TMPRSS11E: variants seen among roughly 807,000 people sequenced by gnomAD.
TMPRSS11E encodes transmembrane protease serine 11E.
TMPRSS11E carries 38 observed loss-of-function variants against 48.1 expected under a neutral mutation model. The ratio of observed to expected loss-of-function variants is 0.79; its 90% CI spans 0.61 to 1.04. The LOEUF (loss-of-function observed/expected upper bound fraction) is 1.04, where lower values mean the gene tolerates loss of function less well. Ranked by LOEUF, TMPRSS11E falls within the 50% of genes least tolerant of loss-of-function variation. TMPRSS11E has a pLI of 0.00. For missense variants in TMPRSS11E, 530 were observed against 510.8 expected (o/e 1.04, Z -0.36); for synonymous variants, 158 against 171.9 (o/e 0.92, Z 0.63).
intron 3 of TMPRSS11E, 82 bp from the exon 4 acceptor site, chr4:68,468,797 A>C: frequency 9.1e-7 from 1 of 1,093,404 alleles, no homozygotes; most frequent in Non-Finnish European, 1.4e-6. Flanking sequence ...TTGTTTTTTA[A>C]TTTTCTAAAA....
At chr4:68,493,028 C>A (rs1729773012) in intron 9 of TMPRSS11E, among the ~76,000 whole-genome samples, 1 of 152,118 alleles carries the variant, frequency 6.6e-6, no homozygotes, top group Non-Finnish European at 1.5e-5. Flanking sequence ...ATTCAACTAT[C>A]TCGGTTTCTA....
intron 9 of TMPRSS11E, among the ~76,000 whole-genome samples, chr4:68,492,337 A>G (rs1385388784): frequency 6.6e-6 from 1 of 152,216 alleles, no homozygotes; most frequent in Non-Finnish European, 1.5e-5. Context: ...ACAAGCATGC[A>G]CAGAGTGGCA....
chr4:68,459,570 T>C (rs1456071534), intron 1 of TMPRSS11E, among the ~76,000 whole-genome samples: 4 of 152,196 alleles, frequency 2.6e-5, no homozygotes, highest in South Asian at 2.1e-4. Flanking sequence ...TCTATAACTT[T>C]TTAAAATTGA....
At chr4:68,470,488 G>A (rs1729036257) in intron 4 of TMPRSS11E, among the ~76,000 whole-genome samples, 1 of 151,822 alleles carries the variant, frequency 6.6e-6, no homozygotes, top group African/African-American at 2.4e-5. Context: ...CCTGAAAATA[G>A]TGTTACAATT....
chr4:68,469,069 T>G, intron 4 of TMPRSS11E, 123 bp downstream of exon 4: 1 of 818,448 alleles, frequency 1.2e-6, no homozygotes. Context: ...ACACTTGTCC[T>G]GTGTAAGTCA....
rs552044058 is a variant in TMPRSS11E at position 68,448,786 on chromosome 4, C to T, written c.11+1263C>T. On this transcript the variant is annotated intron_variant, in intron 1 of 9. Coordinates refer to ENST00000305363, the MANE Select transcript of TMPRSS11E (RefSeq NM_014058.4). ...AAACCAACCATCTAACAAACAAAAACGTCTTCCTGATCTGAAGATTGTATG... is the reference window on the plus strand; with the variant it reads ...AAACCAACCATCTAACAAACAAAAATGTCTTCCTGATCTGAAGATTGTATG... Among the ~76,000 whole-genome samples, 17 of 151,910 alleles carry T rather than the reference C, an allele frequency of 1.1e-4. 1 individual carries two copies. The highest frequency in any genetic ancestry group is 4.1e-4 in the South Asian group (2 of 4,834).
intron 9 of TMPRSS11E, among the ~76,000 whole-genome samples, chr4:68,482,632 C>T (rs980711476): frequency 6.4e-5 from 9 of 141,342 alleles, no homozygotes; most frequent in African/African-American, 2.4e-4. Context: ...ATTAGCTGGG[C>T]TTTGTGGCAT....
At chr4:68,462,597 A>AT (rs1461606819) in intron 2 of TMPRSS11E, among the ~76,000 whole-genome samples, 2 of 151,256 alleles carry the variant, frequency 1.3e-5, no homozygotes, top group African/African-American at 4.9e-5. Context: ...AGAAAAAAAA[A>AT]AATCCAACTC....
At chr4:68,459,463 A>C (rs1481457176) in intron 1 of TMPRSS11E, among the ~76,000 whole-genome samples, 1 of 152,180 alleles carries the variant, frequency 6.6e-6, no homozygotes, top group East Asian at 1.9e-4. Context: ...TCGGCTTCTT[A>C]CTAATAAATA....
chr4:68,454,311 T>A (rs1435731546), intron 1 of TMPRSS11E, among the ~76,000 whole-genome samples: 2 of 151,890 alleles, frequency 1.3e-5, no homozygotes, highest in Non-Finnish European at 2.9e-5. Flanking sequence ...ACTAAAAGTA[T>A]TTGTTCTTTT....
intron 9 of TMPRSS11E, among the ~76,000 whole-genome samples, chr4:68,494,764 A>G (rs751873123): frequency 2.7e-4 from 41 of 152,212 alleles, no homozygotes; most frequent in Non-Finnish European, 8.8e-5. Flanking sequence ...AAAACGCCCA[A>G]AGTCTGGTGG....
At chr4:68,496,552 C>T (rs973742944) in intron 9 of TMPRSS11E, 91 bp from the exon 10 acceptor site, 1 of 1,281,004 alleles carries the variant, frequency 7.8e-7, no homozygotes, top group Non-Finnish European at 1.1e-6. Flanking sequence ...TTGAAAATTA[C>T]CCCTTTCATT....
intron 4 of TMPRSS11E, among the ~76,000 whole-genome samples, chr4:68,470,925 G>T (rs1011608900): frequency 2.0e-5 from 3 of 151,816 alleles, no homozygotes; most frequent in Non-Finnish European, 2.9e-5. Context: ...TGAGTCACAA[G>T]AATAAAACCT....
chr4:68,482,442 A>C (rs1165368827), intron 9 of TMPRSS11E, among the ~76,000 whole-genome samples: 1 of 152,030 alleles, frequency 6.6e-6, no homozygotes, highest in South Asian at 2.1e-4. Flanking sequence ...GTCTTAACTC[A>C]TTCCGACTTT....
At chr4:68,484,078 C>T (rs1027494134) in intron 9 of TMPRSS11E, among the ~76,000 whole-genome samples, 1 of 152,124 alleles carries the variant, frequency 6.6e-6, no homozygotes, top group Admixed American at 6.6e-5. Flanking sequence ...TGTGATGCCA[C>T]CAGCTTTGTT....
intron 2 of TMPRSS11E, among the ~76,000 whole-genome samples, chr4:68,462,401 AC>A (rs1728814941): frequency 6.9e-6 from 1 of 145,356 alleles, no homozygotes; most frequent in Non-Finnish European, 1.5e-5. Context: ...ACATGGTGAA[AC>A]CCCGTGTCTA....
intron 1 of TMPRSS11E, among the ~76,000 whole-genome samples, chr4:68,461,212 TA>T (rs1209993832): frequency 2.0e-5 from 3 of 152,096 alleles, no homozygotes; most frequent in African/African-American, 4.8e-5. Context: ...TAAAGGTAAA[TA>T]TTAGCTCAAA....
chr4:68,487,479 T>C (rs190606406), intron 9 of TMPRSS11E, among the ~76,000 whole-genome samples: 52 of 152,176 alleles, frequency 3.4e-4, no homozygotes, highest in African/African-American at 1.0e-3. Context: ...CTTGAACTCC[T>C]GGCCTCAGGT....
intron 1 of TMPRSS11E, among the ~76,000 whole-genome samples, chr4:68,451,378 G>A (rs1728492762): frequency 6.6e-6 from 1 of 151,802 alleles, no homozygotes; most frequent in Non-Finnish European, 1.5e-5. Context: ...AAGAAAAATG[G>A]GCTGCAGAAA....
Sources: allele counts gnomAD v4.1 joint callset (sites outside exome capture counted in the v4.1 genomes callset), GRCh38; gene constraint gnomAD v4.1.1; transcripts MANE v1.5; gene names NCBI Gene and HGNC (gene_info 2026-07-23, HGNC 2026-07-21).